EIF3D: variants seen among roughly 807,000 people sequenced by gnomAD.
The protein encoded by EIF3D is eIF3 p66.
A neutral mutation model predicts 75.4 loss-of-function variants in EIF3D; 10 were observed. The observed-to-expected ratio is 0.13, with a 90% confidence interval of 0.08 to 0.22. The LOEUF is 0.22. Among genes scored for constraint, EIF3D ranks in the 10% least tolerant of loss-of-function variants. The probability of loss-of-function intolerance (pLI) is 1.00; values close to 1 mark genes in which losing one functional copy is unlikely to be tolerated. For missense variants in EIF3D, 394 were observed against 708.0 expected (o/e 0.56, Z 5.03); for synonymous variants, 246 against 248.3 (o/e 0.99, Z 0.09).
chr22:36,511,740 G>A lies in EIF3D; in HGVS notation c.1396C>T (p.Leu466=), dbSNP rs770758065. Residue 466 remains leucine (L), a synonymous_variant, in exon 14 of 15, where the codon CTA becomes TTA. Coordinates refer to ENST00000216190, the MANE Select transcript of EIF3D (RefSeq NM_003753.4). The part of the protein sequence containing the change: ...HVKDSSRHVI[L]GTQQFKPNEF... ...TTAGGCTTGAACTGCTGGGTGCCTA[G>A]GATGACGTGGCGTGAGGAGTCTTTC... 1.9e-6 allele frequency: 3 copies of A among 1,614,106 alleles called. No individual in the cohort carries two copies. The highest frequency in any genetic ancestry group is 2.5e-6 in the Non-Finnish European group (3 of 1,180,024).
intron 10 of EIF3D, chr22:36,516,996 C>A (rs1603498823): frequency 4.9e-6 from 3 of 616,998 alleles, no homozygotes; most frequent in East Asian, 5.5e-5. Flanking sequence ...GACTTAGTAA[C>A]CATGCTCATC....
intron 12 of EIF3D, among the ~76,000 whole-genome samples, chr22:36,514,722 C>T (rs1409184848): frequency 6.6e-6 from 1 of 152,174 alleles, no homozygotes; most frequent in African/African-American, 2.4e-5. Flanking sequence ...ACTTTACCCA[C>T]AATAAGAATG....
intron 12 of EIF3D, among the ~76,000 whole-genome samples, chr22:36,514,254 G>C (rs1934387930): frequency 6.6e-6 from 1 of 152,176 alleles, no homozygotes; most frequent in Non-Finnish European, 1.5e-5. Flanking sequence ...ATAAATCAGA[G>C]TAGATTTGAG....
chr22:36,513,794 G>A (rs9622407), intron 12 of EIF3D, among the ~76,000 whole-genome samples: 13,703 of 152,212 alleles, frequency 0.09, 1,343 homozygotes, highest in African/African-American at 0.25. Context: ...GAACCCAAGC[G>A]ATTCTCCCAC....
chr22:36,512,017 A>G (rs1315582688), intron 13 of EIF3D, among the ~76,000 whole-genome samples: 1 of 151,158 alleles, frequency 6.6e-6, no homozygotes. Flanking sequence ...CAGCCCCCTG[A>G]GTAGCTGGGG....
At chr22:36,526,196 A>G (rs1443935455) in intron 1 of EIF3D, 65 bp from the exon 2 acceptor site, 1 of 1,459,986 alleles carries the variant, frequency 6.8e-7, no homozygotes, top group African/African-American at 1.4e-5. Flanking sequence ...AACACCCTCC[A>G]TATGAAGTAA....
intron 9 of EIF3D, 43 bp from the exon 10 acceptor site, chr22:36,517,474 C>G: frequency 6.3e-7 from 1 of 1,583,946 alleles, no homozygotes; most frequent in Non-Finnish European, 8.6e-7. Context: ...AACAAAGAGT[C>G]ACTGACAATG....
At chr22:36,515,115 T>C (rs1934402181) in intron 12 of EIF3D, among the ~76,000 whole-genome samples, 1 of 152,210 alleles carries the variant, frequency 6.6e-6, no homozygotes, top group Non-Finnish European at 1.5e-5. Flanking sequence ...CAATTAAACC[T>C]CTTTTCTTTA....
chr22:36,529,021 C>T (rs1226681804), intron 1 of EIF3D, 55 bp downstream of exon 1: 4 of 359,332 alleles, frequency 1.1e-5, no homozygotes, highest in African/African-American at 8.4e-5. Flanking sequence ...GAAGGCTGGA[C>T]CTAGTCCGAA....
intron 1 of EIF3D, among the ~76,000 whole-genome samples, chr22:36,527,675 CTAA>C (rs1242182677): frequency 6.6e-6 from 1 of 152,162 alleles, no homozygotes; most frequent in African/African-American, 2.4e-5. Flanking sequence ...CCAGTCTCTA[CTAA>C]AAATACAAAA....
chr22:36,511,654 G>T lies in EIF3D; in HGVS notation c.1482C>A (p.Val494=). 1.2e-6 allele frequency: 2 copies of T among 1,614,174 alleles called. No homozygotes were observed. Among genetic ancestry groups the T allele is most frequent in the Non-Finnish European group, 8.5e-7 (1 of 1,180,040 alleles). ...VENAWGILRC[V]IDICMKLEEG... is the part of the protein sequence containing the mutation. Reference sequence around the variant, plus strand: ...CCTCCAGCTTCATGCAGATGTCAATGACGCAGCGTAAAATGCCCCAGGCAT... The same window carrying T: ...CCTCCAGCTTCATGCAGATGTCAATTACGCAGCGTAAAATGCCCCAGGCAT... The change falls in exon 14 of 15, where the codon GTC becomes GTA. Residue 494 remains valine (V), a synonymous_variant. Coordinates refer to ENST00000216190, the MANE Select transcript of EIF3D (RefSeq NM_003753.4).
chr22:36,523,712 C>A (rs1361212479), intron 5 of EIF3D, among the ~76,000 whole-genome samples, 183 bp downstream of exon 5: 1 of 152,196 alleles, frequency 6.6e-6, no homozygotes, highest in Non-Finnish European at 1.5e-5. Context: ...GTTTCCTGCC[C>A]ATGCTATCTG....
In EIF3D at chr22:36,519,539, T is replaced by C; in HGVS notation, c.579-2A>G. On this transcript the variant is annotated splice_acceptor_variant, in intron 7 of 14. Transcript: ENST00000216190. LOFTEE classifies it high-confidence loss of function. Reference sequence around the variant, plus strand: ...TATTCTAGGGCCCCACAACACTCACTGTGGGAAGAGCAGGCAAAGACATGC... The same window carrying C: ...TATTCTAGGGCCCCACAACACTCACCGTGGGAAGAGCAGGCAAAGACATGC... 6.2e-7 allele frequency: 1 copy of C among 1,614,110 alleles called. No individual in the cohort carries two copies. The highest frequency in any genetic ancestry group is 8.5e-7 in the Non-Finnish European group (1 of 1,179,990).
intron 1 of EIF3D, among the ~76,000 whole-genome samples, chr22:36,526,365 G>C (rs78010647): frequency 0.024 from 3,692 of 152,164 alleles, 133 homozygotes; most frequent in African/African-American, 0.086. Context: ...TTAATTCCAC[G>C]ACACTCTCTT....
intron 10 of EIF3D, chr22:36,517,028 G>A: frequency 1.6e-6 from 1 of 611,326 alleles, no homozygotes; most frequent in Non-Finnish European, 2.9e-6. Context: ...TTTTTGCCAT[G>A]GCATATATTC....
rs1224003345 is a variant in EIF3D, at chr22:36,511,587, T to C, written c.1549A>G (p.Ile517Val). 32 of 1,614,046 alleles carry C rather than the reference T, an allele frequency of 2.0e-5. No homozygotes were observed. Among genetic ancestry groups the C allele is most frequent in the African/African-American group, 2.7e-5 (2 of 74,928 alleles). ...CCATCAGGGAGGCTGTAGACACGGA[T>C]GACCTGCTTGTTGGGGTCCTTGAGG... Reference protein sequence around the residue: ...LILKDPNKQVIRVYSLPDGTF... With the variant: ...LILKDPNKQVVRVYSLPDGTF... Residue 517 changes from isoleucine (I) to valine (V), a missense_variant, in exon 14 of 15, where the codon ATC becomes GTC. By Grantham distance (29) the Ile-to-Val change is conservative (BLOSUM62 3). Coordinates refer to ENST00000216190, the MANE Select transcript of EIF3D (RefSeq NM_003753.4).
intron 1 of EIF3D, among the ~76,000 whole-genome samples, chr22:36,527,435 A>G (rs924214794): frequency 2.6e-5 from 4 of 152,278 alleles, no homozygotes; most frequent in African/African-American, 9.6e-5. Flanking sequence ...CCGGCGCTGT[A>G]TAGCAGATGG....
rs763032224 is a variant in EIF3D at position 36,512,593 on chromosome 22, C to T, written c.1216G>A (p.Gly406Ser). ...LNEWDSRHCNGVDWRQKLDSQ... is the reference protein window; with the variant it reads ...LNEWDSRHCNSVDWRQKLDSQ... ...TCCAGCTTCTGACGCCAGTCAACGCCATTACAGTGCTGCAGGAGAGCCCCG... is the reference window on the plus strand; with the variant it reads ...TCCAGCTTCTGACGCCAGTCAACGCTATTACAGTGCTGCAGGAGAGCCCCG... The change falls in exon 13 of 15, where the codon GGC becomes AGC. Residue 406 changes from glycine (G) to serine (S), a missense_variant. Coordinates refer to ENST00000216190, the MANE Select transcript of EIF3D (RefSeq NM_003753.4). The T allele has an allele frequency of 1.2e-5, 19 of 1,613,550 alleles. No homozygotes were observed. Among genetic ancestry groups the T allele is most frequent in the Non-Finnish European group, 1.4e-5 (17 of 1,179,538 alleles).
intron 9 of EIF3D, among the ~76,000 whole-genome samples, chr22:36,518,259 G>A (rs1201490008): frequency 1.3e-5 from 2 of 152,158 alleles, no homozygotes; most frequent in Admixed American, 6.5e-5. Context: ...GGGAGGCCAA[G>A]GCTGATGGAT....
Sources: gnomAD v4.1 joint callset for allele counts (sites outside exome capture counted in the v4.1 genomes callset) on GRCh38, gnomAD v4.1.1 for gene constraint, MANE v1.5 for transcripts, NCBI Gene and HGNC (gene_info 2026-07-23, HGNC 2026-07-21) for gene names.